Variants in IL1RAPL2 observed in about 807,000 individuals in gnomAD.
IL1RAPL2 encodes X-linked interleukin-1 receptor accessory protein-like 2.
A neutral mutation model predicts 44.1 loss-of-function variants in IL1RAPL2; 3 were observed. The ratio of observed to expected loss-of-function variants is 0.07; its 90% CI spans 0.03 to 0.18. The LOEUF (loss-of-function observed/expected upper bound fraction) is 0.18. IL1RAPL2 is among the 10% of genes least tolerant of loss of function. IL1RAPL2 has a pLI of 1.00. For missense variants in IL1RAPL2, 391 were observed against 496.4 expected, an observed-to-expected ratio of 0.79 and a Z score of 2.02; for synonymous variants, 181 against 178.8, an observed-to-expected ratio of 1.01 and a Z score of -0.10.
intron 3 of IL1RAPL2, among the ~76,000 whole-genome samples, chrX:105,205,662 G>C (rs900308167): frequency 3.2e-5 from 3 of 93,134 alleles, no homozygotes; most frequent in African/African-American, 1.2e-4. Flanking sequence ...AGTGTGGTGA[G>C]CTGGGGAATA....
At chrX:104,890,068 C>G (rs771080830) in intron 2 of IL1RAPL2, among the ~76,000 whole-genome samples, 24 of 111,038 alleles carry the variant, frequency 2.2e-4, no homozygotes, top group Admixed American at 1.2e-3. Flanking sequence ...TTTGTCCTTG[C>G]GATAGTTTGC....
intron 2 of IL1RAPL2, among the ~76,000 whole-genome samples, chrX:104,673,310 A>C (rs12556240): frequency 0.36 from 39,128 of 109,762 alleles, 5,643 homozygotes; most frequent in Non-Finnish European, 0.45. Flanking sequence ...TCAGCTTTGT[A>C]CATATGGCTA....
chrX:104,656,281 A>G (rs112117132), intron 1 of IL1RAPL2, among the ~76,000 whole-genome samples: 429 of 111,330 alleles, frequency 3.9e-3, no homozygotes, highest in African/African-American at 0.013. Flanking sequence ...TGTCAATTTT[A>G]GATCTTTCCT....
chrX:105,757,793 G>T (rs756681815), intron 10 of IL1RAPL2, among the ~76,000 whole-genome samples: 4 of 111,620 alleles, frequency 3.6e-5, no homozygotes, highest in Non-Finnish European at 5.6e-5. Context: ...AACCTGCAGA[G>T]GCTCTTAAAA....
chrX:105,494,371 C>G (rs1289900304), intron 6 of IL1RAPL2, among the ~76,000 whole-genome samples: 1 of 111,824 alleles, frequency 8.9e-6, no homozygotes, highest in Non-Finnish European at 1.9e-5. Context: ...TTTATGATCT[C>G]TTTTAATTCA....
intron 2 of IL1RAPL2, among the ~76,000 whole-genome samples, chrX:104,691,295 T>A (rs1210714834): frequency 8.9e-6 from 1 of 111,795 alleles, no homozygotes; most frequent in East Asian, 2.8e-4. Flanking sequence ...TTAGTTTTTC[T>A]TCTCTGTCAT....
intron 2 of IL1RAPL2, among the ~76,000 whole-genome samples, chrX:105,118,885 C>T (rs1170489207): frequency 1.8e-5 from 2 of 112,031 alleles, no homozygotes; most frequent in Non-Finnish European, 3.8e-5. Context: ...TGGGCGGGTG[C>T]TTCTGGTTTT....
chrX:104,582,625 T>A (rs1928390946), intron 1 of IL1RAPL2, among the ~76,000 whole-genome samples: 1 of 80,353 alleles, frequency 1.2e-5, no homozygotes, highest in Non-Finnish European at 2.4e-5. Context: ...TCTTTCTTTC[T>A]TTCTTTCTTT....
intron 5 of IL1RAPL2, among the ~76,000 whole-genome samples, chrX:105,435,715 A>G (rs1332887282): frequency 8.9e-6 from 1 of 112,069 alleles, no homozygotes; most frequent in Non-Finnish European, 1.9e-5. Flanking sequence ...TGCAGCCACA[A>G]AAAGGAATGA....
intron 2 of IL1RAPL2, among the ~76,000 whole-genome samples, chrX:105,018,022 C>G (rs758722367): frequency 9.0e-6 from 1 of 111,541 alleles, no homozygotes; most frequent in African/African-American, 3.3e-5. Context: ...TGGTTCCCCC[C>G]ACTACGTGTG....
rs1247165168 is a variant in IL1RAPL2 at position 104,983,611 on chromosome X, AATATT to A, written c.83-211854_83-211850del. Among the ~76,000 whole-genome samples the A allele has an allele frequency of 1.2e-3, 86 of 71,052 alleles. 1 individual carries two copies. The highest frequency in any genetic ancestry group is 3.1e-3 in the African/African-American group (63 of 20,380). The allele number at this position is 71,052 out of a possible 115,157, so 61.7% of individuals were successfully genotyped here. On this transcript the variant is annotated intron_variant, in intron 2 of 10. Coordinates refer to ENST00000372582, the MANE Select transcript of IL1RAPL2 (RefSeq NM_017416.2). ...ATAATATATTATATGCATAATATAT[AATATT>A]ATATTATATGCATAATATATTATAC...
At position 104,819,558 on chromosome X, in the gene IL1RAPL2, T is replaced by C. The variant is rs183471477; in HGVS notation, c.82+160563T>C. Among the ~76,000 whole-genome samples, 4 of 111,983 alleles carry C rather than the reference T, an allele frequency of 3.6e-5. No homozygotes were observed. The Admixed American group carries it at 3.8e-4, about 11-fold the overall frequency. On this transcript the variant is annotated intron_variant, in intron 2 of 10. Coordinates refer to ENST00000372582, the MANE Select transcript of IL1RAPL2 (RefSeq NM_017416.2). ...ATGAAAAGATAAGGTACTTTTATTTTAGCAACTGTACTTCAAAGAAATGAC... is the reference window on the plus strand; with the variant it reads ...ATGAAAAGATAAGGTACTTTTATTTCAGCAACTGTACTTCAAAGAAATGAC...
chrX:104,884,523 A>G (rs1252031828), intron 2 of IL1RAPL2, among the ~76,000 whole-genome samples: 2 of 111,362 alleles, frequency 1.8e-5, no homozygotes, highest in Admixed American at 1.9e-4. Context: ...CACCTTTGAA[A>G]TGCATCCTAA....
At chrX:105,102,472 T>G (rs1293738204) in intron 2 of IL1RAPL2, among the ~76,000 whole-genome samples, 3 of 111,981 alleles carry the variant, frequency 2.7e-5, no homozygotes, top group Non-Finnish European at 1.9e-5. Flanking sequence ...CCACTTATAT[T>G]AATCAGGGTT....
At chrX:105,025,210 CTTA>C (rs1166004538) in intron 2 of IL1RAPL2, among the ~76,000 whole-genome samples, 1 of 111,268 alleles carries the variant, frequency 9.0e-6, no homozygotes, top group Non-Finnish European at 1.9e-5. Flanking sequence ...GTTCTCCCTG[CTTA>C]TTATCACAGG....
intron 2 of IL1RAPL2, among the ~76,000 whole-genome samples, chrX:105,151,678 T>A (rs2033229231): frequency 9.1e-6 from 1 of 110,327 alleles, no homozygotes; most frequent in Admixed American, 9.8e-5. Context: ...ATTGGGATAG[T>A]ACCCAGAACC....
intron 6 of IL1RAPL2, among the ~76,000 whole-genome samples, chrX:105,649,401 C>T (rs2037627711): frequency 8.9e-6 from 1 of 111,740 alleles, no homozygotes; most frequent in Non-Finnish European, 1.9e-5. Context: ...ACATGATGTT[C>T]GCTATAGTTT....
At chrX:105,420,483 A>G (rs1230792189) in intron 5 of IL1RAPL2, among the ~76,000 whole-genome samples, 2 of 111,431 alleles carry the variant, frequency 1.8e-5, no homozygotes, top group Non-Finnish European at 3.8e-5. Flanking sequence ...ACTTCACATG[A>G]CCCTTCCATG....
intron 2 of IL1RAPL2, among the ~76,000 whole-genome samples, chrX:104,722,162 G>T (rs1931691343): frequency 9.0e-6 from 1 of 110,514 alleles, no homozygotes; most frequent in Non-Finnish European, 1.9e-5. Flanking sequence ...AATACTTCAG[G>T]GTCATAGGCC....
Sources: allele counts gnomAD v4.1 joint callset (sites outside exome capture counted in the v4.1 genomes callset), GRCh38; gene constraint gnomAD v4.1.1; transcripts MANE v1.5; gene names NCBI Gene and HGNC (gene_info 2026-07-23, HGNC 2026-07-21).